Variants in MCF2L observed in about 807,000 individuals in gnomAD.
MCF2L encodes the protein MCF.2 cell line derived transforming sequence like.
A neutral mutation model predicts 153.4 loss-of-function variants in MCF2L; 97 were observed. That is an observed-to-expected ratio of 0.63 (90% confidence interval 0.54 to 0.75). The LOEUF (loss-of-function observed/expected upper bound fraction) is 0.75, where lower values mean the gene tolerates loss of function less well. Ranked by LOEUF, MCF2L falls within the 30% of genes least tolerant of loss-of-function variation. The probability of loss-of-function intolerance (pLI) is 0.00; values close to 1 mark genes in which losing one functional copy is unlikely to be tolerated. For synonymous variants in MCF2L, 659 were observed against 632.2 expected, an observed-to-expected ratio of 1.04 and a Z score of -0.64; for missense variants, 1,347 against 1,495.2, an observed-to-expected ratio of 0.90 and a Z score of 1.64.
At position 112,907,978 on chromosome 13, in the gene MCF2L, T is replaced by C. The variant is rs1185035899; in HGVS notation, c.169+5607T>C. 6.6e-6 allele frequency among the ~76,000 whole-genome samples: 1 copy of C among 152,234 alleles called. No homozygotes were observed. Among genetic ancestry groups the C allele is most frequent in the African/African-American group, 2.4e-5 (1 of 41,458 alleles). On this transcript the variant is annotated intron_variant, in intron 2 of 29. Coordinates refer to the MCF2L transcript ENST00000375608. The surrounding 1 kb of genome is among the most constrained non-coding windows in gnomAD (Gnocchi z 5.1). ...AGTGTGGCTGTCAATGATTAACTTCTTGTTTTCAACCTTTCCTGATTCCTC... is the reference window on the plus strand; with the variant it reads ...AGTGTGGCTGTCAATGATTAACTTCCTGTTTTCAACCTTTCCTGATTCCTC...
At chr13:113,075,243 TCCTC>T in intron 11 of MCF2L, 54 bp downstream of exon 11, 1 of 1,478,566 alleles carries the variant, frequency 6.8e-7, no homozygotes, top group Non-Finnish European at 9.1e-7. Context: ...ACCAGCCTCT[TCCTC>T]CCACATCCAC....
In MCF2L at chr13:112,979,500, G is replaced by A; in HGVS notation, c.79+10042G>A. The A allele has an allele frequency of 2.1e-6, 3 of 1,444,834 alleles. No homozygotes were observed. In the South Asian group the frequency reaches 4.4e-5, roughly 21 times the overall value. 89.5% of individuals were successfully genotyped at this position (1,444,834 alleles called of 1,614,324 possible). ...AGTTGGCGAAGCCCAGAGTCACCAGGGTCCTGAGCACCTGTCTCTTGTGAC... is the reference window on the plus strand; with the variant it reads ...AGTTGGCGAAGCCCAGAGTCACCAGAGTCCTGAGCACCTGTCTCTTGTGAC... On this transcript the variant is annotated intron_variant, in intron 1 of 29. Coordinates refer to ENST00000535094, the MANE Select transcript of MCF2L (RefSeq NM_001112732.3).
At chr13:113,037,655 G>A (rs2086234418) in intron 3 of MCF2L, among the ~76,000 whole-genome samples, 1 of 152,188 alleles carries the variant, frequency 6.6e-6, no homozygotes, top group Non-Finnish European at 1.5e-5. Flanking sequence ...AAATATGTTT[G>A]AGGGATTGAG....
chr13:113,022,644 G>C (rs2084960900), intron 2 of MCF2L, among the ~76,000 whole-genome samples: 1 of 152,248 alleles, frequency 6.6e-6, no homozygotes, highest in African/African-American at 2.4e-5. Context: ...GCCTCGGCTT[G>C]TCCCGGCAGA....
chr13:113,045,627 A>G lies in MCF2L; in HGVS notation c.369+266A>G. Reference sequence around the variant, plus strand: ...AATTTCCCCAGGCAGAGCAGCCCATATGTTTCCGAACACCAAGTCTGAGAT... The same window carrying G: ...AATTTCCCCAGGCAGAGCAGCCCATGTGTTTCCGAACACCAAGTCTGAGAT... On this transcript the variant is annotated intron_variant, in intron 4 of 29. Coordinates refer to ENST00000535094, the MANE Select transcript of MCF2L (RefSeq NM_001112732.3). The surrounding 1 kb of genome is among the most constrained non-coding windows in gnomAD (Gnocchi z 4.2). 1 of 531,522 alleles carries G rather than the reference A, an allele frequency of 1.9e-6. No individual in the cohort carries two copies. The highest frequency in any genetic ancestry group is 2.5e-5 in the South Asian group (1 of 39,826). 32.9% of individuals were successfully genotyped at this position (531,522 alleles called of 1,614,324 possible). A position where few individuals can be genotyped will look rare whatever the true frequency, so the allele number is the denominator to read the frequency against.
Position 112,913,596 on chromosome 13 carries a change from G to A in MCF2L, c.169+11225G>A, listed in dbSNP as rs562724103. On this transcript the variant is annotated intron_variant, in intron 2 of 29. Transcript: ENST00000375608. ...TAGTAAACATTTGTGGCAAATATGC[G>A]TTGTCTTTTCCTCCTTCAAGTGCAT... Among the ~76,000 whole-genome samples, 11 of 152,214 alleles carry A rather than the reference G, an allele frequency of 7.2e-5. No homozygotes were observed. The East Asian group carries it at 2.1e-3, about 29-fold the overall frequency.
At chr13:113,091,024 C>G in intron 26 of MCF2L, 2 of 1,285,004 alleles carry the variant, frequency 1.6e-6, no homozygotes, top group Non-Finnish European at 2.0e-6. Context: ...CGTCGGTGTC[C>G]CCTTCCAGCA....
upstream of MCF2L, chr13:112,968,577 A>C (rs570325884): frequency 6.5e-7 from 1 of 1,541,456 alleles, no homozygotes; most frequent in South Asian, 1.2e-5. Context: ...CCGGCCAGCC[A>C]CGGACCCACG....
chr13:112,951,429 C>T lies in MCF2L; in HGVS notation c.169+49058C>T, dbSNP rs1050456187. Among the ~76,000 whole-genome samples the T allele has an allele frequency of 2.0e-5, 3 of 152,108 alleles. No individual in the cohort carries two copies. Among genetic ancestry groups the T allele is most frequent in the Non-Finnish European group, 4.4e-5 (3 of 68,024 alleles). ...AATGTTTATATTCGTTTATTTGTCG[C>T]AGTCAAAAACTGGAAAGAACCCCAA... On this transcript the variant is annotated intron_variant, in intron 2 of 29. Coordinates refer to the MCF2L transcript ENST00000375608. The surrounding 1 kb of genome is among the most constrained non-coding windows in gnomAD (Gnocchi z 4.8).
Position 113,096,918 on chromosome 13 carries a change from C to T in MCF2L, c.*59C>T, listed in dbSNP as rs1483355702. 26 of 1,207,354 alleles carry T rather than the reference C, an allele frequency of 2.2e-5. No individual in the cohort carries two copies. The highest frequency in any genetic ancestry group is 2.8e-5 in the Non-Finnish European group (26 of 943,172). 74.8% of individuals were successfully genotyped at this position (1,207,354 alleles called of 1,614,324 possible). ...TGGGGCTGCGGTGGCGTGGGGAGGG[C>T]GCGGCCCCCGGACGCCCCGAGGAAG... On this transcript the variant is annotated 3_prime_UTR_variant, in exon 30 of 30. Coordinates refer to ENST00000535094, the MANE Select transcript of MCF2L (RefSeq NM_001112732.3).
intron 2 of MCF2L, among the ~76,000 whole-genome samples, chr13:112,955,265 G>T (rs1033101935): frequency 6.9e-6 from 1 of 145,356 alleles, no homozygotes; most frequent in South Asian, 2.2e-4. Context: ...AGCAGGATGA[G>T]TGGAGCCCAG....
In MCF2L at chr13:113,064,139, C is replaced by G. The variant is rs976072290; in HGVS notation, c.490-165C>G. Among the ~76,000 whole-genome samples, 1 of 152,198 alleles carries G rather than the reference C, an allele frequency of 6.6e-6. No individual in the cohort carries two copies. Among genetic ancestry groups the G allele is most frequent in the Non-Finnish European group, 1.5e-5 (1 of 68,040 alleles). Reference sequence around the variant, plus strand: ...GCGGGGCGCTGAGCTGCATCCCATCCGCACATCCATCCGCAGTGTCCAGGT... The same window carrying G: ...GCGGGGCGCTGAGCTGCATCCCATCGGCACATCCATCCGCAGTGTCCAGGT... On this transcript the variant is annotated intron_variant, in intron 5 of 29. Coordinates refer to ENST00000535094, the MANE Select transcript of MCF2L (RefSeq NM_001112732.3). The surrounding 1 kb of genome is among the most constrained non-coding windows in gnomAD (Gnocchi z 6.0).
Position 113,084,975 on chromosome 13 carries a change from G to A in MCF2L, c.2145G>A (p.Pro715=), listed in dbSNP as rs766630646. The part of the protein sequence containing the change: ...ESLWRQCSDC[P]FFQECQRKLD... ...TGTGGAGACAGTGCTCCGACTGCCC[G>A]TTTTTCCAGGTTTGTCCCCGGACCT... Residue 715 remains proline (P), a synonymous_variant, in exon 19 of 30, where the codon CCG becomes CCA. Coordinates refer to ENST00000535094, the MANE Select transcript of MCF2L (RefSeq NM_001112732.3). 23 of 1,613,828 alleles carry A rather than the reference G, an allele frequency of 1.4e-5. No individual in the cohort carries two copies. Among genetic ancestry groups the A allele is most frequent in the African/African-American group, 6.7e-5 (5 of 74,932 alleles).
chr13:112,909,277 G>A (rs894007290), intron 2 of MCF2L: 5 of 779,668 alleles, frequency 6.4e-6, no homozygotes, highest in African/African-American at 1.7e-5. Context: ...CGTCCACAGT[G>A]AGCTGGTGTC....
chr13:113,086,115 G>T lies in MCF2L; in HGVS notation c.2248-9G>T. On this transcript the variant is annotated splice_polypyrimidine_tract_variant and intron_variant, in intron 20 of 29. Coordinates refer to ENST00000535094, the MANE Select transcript of MCF2L (RefSeq NM_001112732.3). ...TCCCGACGCGGTTGCCTCACCCCATGCCCCTCAGGAAATGCTGAAATACAG... is the reference window on the plus strand; with the variant it reads ...TCCCGACGCGGTTGCCTCACCCCATTCCCCTCAGGAAATGCTGAAATACAG... 1.2e-6 allele frequency: 2 copies of T among 1,602,856 alleles called. No homozygotes were observed. Among genetic ancestry groups the T allele is most frequent in the East Asian group, 4.6e-5 (2 of 43,796 alleles).
intron 1 of MCF2L, among the ~76,000 whole-genome samples, chr13:112,975,026 C>T (rs1225010325): frequency 2.6e-5 from 4 of 152,216 alleles, no homozygotes; most frequent in Non-Finnish European, 5.9e-5. Flanking sequence ...GCTCACGTCA[C>T]CATCCGTAGA....
intron 15 of MCF2L, among the ~76,000 whole-genome samples, chr13:113,080,512 G>A (rs1253949896): frequency 1.3e-5 from 2 of 152,218 alleles, no homozygotes; most frequent in Non-Finnish European, 2.9e-5. Flanking sequence ...CCTCAACCCA[G>A]GACCAGCCCC....
chr13:113,065,170 G>C, intron 7 of MCF2L, 85 bp downstream of exon 7: 1 of 1,535,648 alleles, frequency 6.5e-7, no homozygotes, highest in Non-Finnish European at 8.9e-7. Flanking sequence ...AAGCTGCGGG[G>C]GGTCTTTCGT....
intron 15 of MCF2L, among the ~76,000 whole-genome samples, chr13:113,079,474 C>T (rs1293466687): frequency 6.6e-6 from 1 of 152,198 alleles, no homozygotes; most frequent in Non-Finnish European, 1.5e-5. Context: ...AATATGTTTG[C>T]AAGAGACGCT....
Sources: allele counts gnomAD v4.1 joint callset (sites outside exome capture counted in the v4.1 genomes callset), GRCh38; gene constraint gnomAD v4.1.1; non-coding constraint Gnocchi (gnomAD v3.1); transcripts MANE v1.5; gene names NCBI Gene and HGNC (gene_info 2026-07-23, HGNC 2026-07-21).